Variants in ZNF839 observed in about 807,000 individuals in gnomAD.
ZNF839 encodes renal carcinoma antigen NY-REN-50.
A neutral mutation model predicts 56.4 loss-of-function variants in ZNF839; 38 were observed. The ratio of observed to expected loss-of-function variants is 0.67; its 90% confidence interval spans 0.52 to 0.88. ZNF839 has a LOEUF of 0.88. Among genes scored for constraint, ZNF839 ranks in the 40% least tolerant of loss-of-function variants. The probability of loss-of-function intolerance (pLI) is 0.00; values close to 1 mark genes in which losing one functional copy is unlikely to be tolerated. For synonymous variants in ZNF839, 486 were observed against 493.5 expected, an observed-to-expected ratio of 0.98 and a Z score of 0.20; for missense variants, 1,091 against 1,177.6, an observed-to-expected ratio of 0.93 and a Z score of 1.08.
At position 102,328,375 on chromosome 14, in the gene ZNF839, A is replaced by AAT. The variant is rs71116898; in HGVS notation, c.1191+1523_1191+1524dup. Among the ~76,000 whole-genome samples, 98 of 16,348 alleles carry AAT rather than the reference A, an allele frequency of 6.0e-3. 2 individuals are homozygous for AAT. The highest frequency in any genetic ancestry group is 0.02 in the East Asian group (10 of 512). The allele number at this position is 16,348 out of a possible 152,430, so 10.7% of individuals were successfully genotyped here. Reference sequence around the variant, plus strand: ...ATCTCAAAAAAAAAAAAAAAAAAAAAATATATATATATATATATATATATA... The same window carrying AAT: ...ATCTCAAAAAAAAAAAAAAAAAAAAAATATATATATATATATATATATATATA... On this transcript the variant is annotated intron_variant, in intron 2 of 7. Coordinates refer to ENST00000442396, the MANE Select transcript of ZNF839 (RefSeq NM_018335.6).
At position 102,327,651 on chromosome 14, in the gene ZNF839, T is replaced by C. The variant is rs147508091; in HGVS notation, c.1191+764T>C. Among the ~76,000 whole-genome samples, 315 of 152,300 alleles carry C rather than the reference T, an allele frequency of 2.1e-3. 1 individual carries two copies. The highest frequency in any genetic ancestry group is 3.7e-3 in the Non-Finnish European group (253 of 68,026). The stretch of plus-strand genomic sequence containing the variant: ...CCTGCCCCTGCCTGCTCATCATCCT[T>C]ACATTGACCCTTATGGTGTCTGATC... On this transcript the variant is annotated intron_variant, in intron 2 of 7. Coordinates refer to ENST00000442396, the MANE Select transcript of ZNF839 (RefSeq NM_018335.6).
chr14:102,322,324 C>T (rs1020760584), intron 1 of ZNF839, among the ~76,000 whole-genome samples: 6 of 152,236 alleles, frequency 3.9e-5, no homozygotes, highest in Middle Eastern at 6.8e-3. Flanking sequence ...AGCAGGTCTG[C>T]GGGGACTGAG....
intron 1 of ZNF839, among the ~76,000 whole-genome samples, chr14:102,323,218 A>C (rs2073227280): frequency 6.6e-6 from 1 of 152,206 alleles, no homozygotes; most frequent in Admixed American, 6.5e-5. Flanking sequence ...CAATGTCTTC[A>C]TTGTCAGGAC....
At chr14:102,339,702 T>C (rs1886281680) in intron 7 of ZNF839, among the ~76,000 whole-genome samples, 1 of 151,416 alleles carries the variant, frequency 6.6e-6, no homozygotes, top group African/African-American at 2.4e-5. Flanking sequence ...TGAGCCGAGA[T>C]TGCACCACTG....
chr14:102,320,035 G>GCGCCTGCTCC lies in ZNF839; in HGVS notation c.275_284dup (p.Gln96AlafsTer76). 1 of 1,175,918 alleles carries GCGCCTGCTCC rather than the reference G, an allele frequency of 8.5e-7. No homozygotes were observed. The highest frequency in any genetic ancestry group is 1.0e-6 in the Non-Finnish European group (1 of 952,538). The allele number at this position is 1,175,918 out of a possible 1,614,324, so 72.8% of individuals were successfully genotyped here. On this transcript the variant is annotated frameshift_variant, in exon 1 of 8. Transcript: ENST00000442396. LOFTEE classifies it high-confidence loss of function. ...GGGGCACCGAGCCCCCGCGCCTGCCGCGCCTGCTCCCGCCCCAGGTGAGGC... is the reference window on the plus strand; with the variant it reads ...GGGGCACCGAGCCCCCGCGCCTGCCGCGCCTGCTCCCGCCTGCTCCCGCCCCAGGTGAGGC...
At chr14:102,329,116 C>T (rs1262159642) in intron 2 of ZNF839, among the ~76,000 whole-genome samples, 6 of 151,334 alleles carry the variant, frequency 4.0e-5, no homozygotes, top group African/African-American at 1.5e-4. Flanking sequence ...ACTACAGGCA[C>T]GAGCCACCAC....
Position 102,328,973 on chromosome 14 carries a change from C to CTT in ZNF839, c.1191+2100_1191+2101dup, listed in dbSNP as rs201814671. ...TACATCTTTGAGACCCTGCTTTCTTCTTTTTTTTTTTTTTTGAGATGGAGT... is the reference window on the plus strand; with the variant it reads ...TACATCTTTGAGACCCTGCTTTCTTCTTTTTTTTTTTTTTTTTGAGATGGAGT... On this transcript the variant is annotated intron_variant, in intron 2 of 7. Coordinates refer to ENST00000442396, the MANE Select transcript of ZNF839 (RefSeq NM_018335.6). Among the ~76,000 whole-genome samples, 43 of 142,214 alleles carry CTT rather than the reference C, an allele frequency of 3.0e-4. No individual in the cohort carries two copies. In the South Asian group the frequency reaches 3.6e-3, roughly 12 times the overall value. The allele number at this position is 142,214 out of a possible 152,430, so 93.3% of individuals were successfully genotyped here.
At position 102,332,236 on chromosome 14, in the gene ZNF839, C is replaced by G. The variant is rs530677868; in HGVS notation, c.1416+390C>G. Among the ~76,000 whole-genome samples the G allele has an allele frequency of 2.0e-5, 3 of 152,010 alleles. No homozygotes were observed. Among genetic ancestry groups the G allele is most frequent in the South Asian group, 4.1e-4 (2 of 4,824 alleles). On this transcript the variant is annotated intron_variant, in intron 3 of 7. Transcript: ENST00000442396. This position sits in a 1 kb window ranked among gnomAD's most constrained non-coding sequence, Gnocchi z 4.9. ...TGCTTCTCCACCTCCCAGGTTCAAGCGATTCTCCTTCCTTAGCCTCCTGGG... is the reference window on the plus strand; with the variant it reads ...TGCTTCTCCACCTCCCAGGTTCAAGGGATTCTCCTTCCTTAGCCTCCTGGG...
rs752428831 is a variant in ZNF839, at chr14:102,342,191, C to G, written c.*12C>G. Reference sequence around the variant, plus strand: ...GATGGGCCCGCTAGAAGGAGTTCCTCTAGAAGCTGTGGAGTCGGTCGTCAC... The same window carrying G: ...GATGGGCCCGCTAGAAGGAGTTCCTGTAGAAGCTGTGGAGTCGGTCGTCAC... On this transcript the variant is annotated 3_prime_UTR_variant, in exon 8 of 8. Transcript: ENST00000442396. 1.9e-6 allele frequency: 3 copies of G among 1,593,368 alleles called. No homozygotes were observed. The East Asian group carries it at 6.7e-5, about 36-fold the overall frequency.
intron 7 of ZNF839, among the ~76,000 whole-genome samples, chr14:102,340,843 G>T (rs978784234): frequency 6.6e-5 from 10 of 152,048 alleles, no homozygotes; most frequent in African/African-American, 2.4e-4. Flanking sequence ...AGGCTGAGTC[G>T]GGTGGCTCAC....
At chr14:102,336,837 A>G (rs368520785) in intron 5 of ZNF839, 179 of 246,014 alleles carry the variant, frequency 7.3e-4, no homozygotes, top group African/African-American at 3.9e-3. Flanking sequence ...GGTCCCAAAC[A>G]ATCCTCCCAC....
intron 5 of ZNF839, among the ~76,000 whole-genome samples, chr14:102,337,977 T>C (rs1886022360): frequency 6.6e-6 from 1 of 152,114 alleles, no homozygotes; most frequent in Non-Finnish European, 1.5e-5. Flanking sequence ...GTCAGGGAGA[T>C]GGACAAGGGA....
chr14:102,319,922 C>A lies in ZNF839; in HGVS notation c.157C>A (p.Pro53Thr). The A allele has an allele frequency of 1.7e-6, 2 of 1,190,252 alleles. No homozygotes were observed. The highest frequency in any genetic ancestry group is 5.4e-5 in the South Asian group (2 of 36,760). The allele number at this position is 1,190,252 out of a possible 1,614,324, so 73.7% of individuals were successfully genotyped here. Residue 53 changes from proline (P) to threonine (T), a missense_variant, in exon 1 of 8, where the codon CCG becomes ACG. Physicochemically the swap from Pro to Thr is conservative, Grantham distance 38. This residue lies in a region of ZNF839 where 614 missense variants were observed against 629.2 expected (regional missense o/e 0.98). Coordinates refer to ENST00000442396, the MANE Select transcript of ZNF839 (RefSeq NM_018335.6). This position sits in a 1 kb window ranked among gnomAD's most constrained non-coding sequence, Gnocchi z 4.5. ...QVLEQVTKAQ[P>T]PPPPPPFVLR... ...CCTGGAGCAGGTGACGAAGGCGCAG[C>A]CGCCGCCGCCGCCGCCCCCCTTCGT... is the stretch of plus-strand genomic sequence containing the variant.
intron 5 of ZNF839, among the ~76,000 whole-genome samples, chr14:102,338,588 G>A (rs1331873632): frequency 2.9e-5 from 4 of 139,778 alleles, no homozygotes; most frequent in Non-Finnish European, 6.1e-5. Context: ...CCTCTAAATT[G>A]TGCTCACATA....
intron 2 of ZNF839, among the ~76,000 whole-genome samples, chr14:102,328,625 C>T (rs2073600767): frequency 6.6e-6 from 1 of 151,830 alleles, no homozygotes; most frequent in African/African-American, 2.4e-5. Flanking sequence ...AAAACTAAAA[C>T]TCTGTCCCTG....
rs771327482 is a variant in ZNF839 at position 102,342,263 on chromosome 14, C to T, written c.*84C>T. On this transcript the variant is annotated 3_prime_UTR_variant, in exon 8 of 8. Coordinates refer to ENST00000442396, the MANE Select transcript of ZNF839 (RefSeq NM_018335.6). The stretch of plus-strand genomic sequence containing the variant: ...GTGAAGTGGAGTCAGATCCTAGATT[C>T]GTCTGATTTTATCCAGAGAAGGTCT... 7.3e-6 allele frequency: 11 copies of T among 1,499,024 alleles called. No homozygotes were observed. Among genetic ancestry groups the T allele is most frequent in the South Asian group, 2.7e-5 (2 of 74,228 alleles). 92.9% of individuals were successfully genotyped at this position (1,499,024 alleles called of 1,614,324 possible). A position where few individuals can be genotyped will look rare whatever the true frequency, so the allele number is the denominator to read the frequency against.
chr14:102,334,541 T>C lies in ZNF839; in HGVS notation c.1417-13T>C. ...CGGGACATTCAAAGGCATGAAATGC[T>C]TTCCCTTGGTAGTTCCTCCAGCAGT... On this transcript the variant is annotated splice_polypyrimidine_tract_variant and intron_variant, in intron 3 of 7. Transcript: ENST00000442396. 1 of 1,598,530 alleles carries C rather than the reference T, an allele frequency of 6.3e-7. No individual in the cohort carries two copies. Among genetic ancestry groups the C allele is most frequent in the South Asian group, 1.1e-5 (1 of 88,882 alleles).
chr14:102,340,401 A>C (rs558249727), intron 7 of ZNF839, among the ~76,000 whole-genome samples: 18 of 151,654 alleles, frequency 1.2e-4, no homozygotes, highest in African/African-American at 4.1e-4. Flanking sequence ...CCTCCTGAGT[A>C]GCTGGGATTA....
chr14:102,321,613 C>T (rs1290993379), intron 1 of ZNF839, among the ~76,000 whole-genome samples: 2 of 152,130 alleles, frequency 1.3e-5, no homozygotes, highest in Non-Finnish European at 2.9e-5. Flanking sequence ...AAAGGCAAAC[C>T]GGATGCGTAC....
Sources: allele counts gnomAD v4.1 joint callset (sites outside exome capture counted in the v4.1 genomes callset), GRCh38; gene constraint gnomAD v4.1.1; regional missense constraint gnomAD v4.1.1; non-coding constraint Gnocchi (gnomAD v3.1); transcripts MANE v1.5; gene names NCBI Gene and HGNC (gene_info 2026-07-23, HGNC 2026-07-21).